PDE1C: variants seen among roughly 807,000 people sequenced by gnomAD.
The protein encoded by PDE1C is dual specificity calcium/calmodulin-dependent 3',5'-cyclic nucleotide phosphodiesterase 1C.
Under a neutral mutation model 93.1 loss-of-function variants are expected in PDE1C, and 62 were observed. The observed-to-expected ratio is 0.67, with a 90% CI of 0.54 to 0.82. The LOEUF (loss-of-function observed/expected upper bound fraction) is 0.82, where lower values mean the gene tolerates loss of function less well. Among genes scored for constraint, PDE1C ranks in the 40% least tolerant of loss-of-function variants. The probability of loss-of-function intolerance (pLI) is 0.00; values close to 1 mark genes in which losing one functional copy is unlikely to be tolerated. For missense variants in PDE1C, 742 were observed against 884.6 expected (o/e 0.84, Z 2.04); for synonymous variants, 325 against 310.1 (o/e 1.05, Z -0.50).
the PDE1C span, among the ~76,000 whole-genome samples, chr7:31,725,065 C>A: frequency 6.6e-6 from 1 of 152,168 alleles, no homozygotes; most frequent in African/African-American, 2.4e-5. Flanking sequence ...TTGGACCTAG[C>A]ACAGACTTGT....
intron 17 of PDE1C, among the ~76,000 whole-genome samples, chr7:31,766,160 A>C (rs1055024408): frequency 1.3e-4 from 20 of 152,136 alleles, no homozygotes; most frequent in African/African-American, 4.8e-4. Flanking sequence ...TGAGGCAGGC[A>C]GATCACGAGG....
the PDE1C span, among the ~76,000 whole-genome samples, chr7:31,649,285 T>C: frequency 1.3e-5 from 2 of 152,064 alleles, no homozygotes; most frequent in Non-Finnish European, 2.9e-5. Context: ...GCCATGTAGT[T>C]TAGAGAGGAA....
At chr7:32,395,124 C>T (rs572381338) in intron 1 of PDE1C, among the ~76,000 whole-genome samples, 1 of 152,312 alleles carries the variant, frequency 6.6e-6, no homozygotes, top group African/African-American at 2.4e-5. Flanking sequence ...GGCCTATAAT[C>T]ATTCATTTAT....
At chr7:31,907,410 G>A (rs1017273923) in intron 2 of PDE1C, among the ~76,000 whole-genome samples, 1 of 152,000 alleles carries the variant, frequency 6.6e-6, no homozygotes. Context: ...ATGAGAAGCA[G>A]GTGTCTGAGT....
At chr7:31,864,596 T>C (rs1484170680) in intron 7 of PDE1C, among the ~76,000 whole-genome samples, 2 of 152,240 alleles carry the variant, frequency 1.3e-5, no homozygotes, top group African/African-American at 4.8e-5. Flanking sequence ...AATTTCAGTA[T>C]ACATGAATAT....
Position 32,420,124 on chromosome 7 carries a change from T to TATATATATAC in PDE1C, c.310+7697_310+7698insGTATATATAT, listed in dbSNP as rs1207972839. On this transcript the variant is annotated intron_variant, in intron 1 of 1. Transcript: ENST00000672256. The stretch of plus-strand genomic sequence containing the variant: ...ATATATATATATATATATATATATA[T>TATATATATAC]ACACACACACACACACACACACACA... Among the ~76,000 whole-genome samples the TATATATATAC allele has an allele frequency of 5.0e-3, 65 of 13,090 alleles. 7 individuals are homozygous for TATATATATAC. Among genetic ancestry groups the TATATATATAC allele is most frequent in the African/African-American group, 0.015 (60 of 4,100 alleles). 8.6% of individuals were successfully genotyped at this position (13,090 alleles called of 152,430 possible).
intron 1 of PDE1C, among the ~76,000 whole-genome samples, chr7:32,359,910 G>A (rs1451516687): frequency 6.6e-6 from 1 of 152,112 alleles, no homozygotes; most frequent in Admixed American, 6.5e-5. Context: ...CATCCAGGAA[G>A]TCTCCAATGC....
At chr7:31,995,306 T>C (rs547886970) in intron 2 of PDE1C, among the ~76,000 whole-genome samples, 2 of 152,270 alleles carry the variant, frequency 1.3e-5, no homozygotes, top group South Asian at 4.1e-4. Context: ...GTCTATTTTG[T>C]GAACTGCTTG....
At position 32,042,904 on chromosome 7, in the gene PDE1C, C is replaced by T. The variant is rs148884945; in HGVS notation, c.128+8650G>A. Among the ~76,000 whole-genome samples, 686 of 152,314 alleles carry T rather than the reference C, an allele frequency of 4.5e-3. 4 individuals carry two copies. The highest frequency in any genetic ancestry group is 0.013 in the African/African-American group (532 of 41,566). ...CTGTTTTTGAGCCAAAGACCACATT[C>T]GTTCTCAGATTGAATCTCATCTCTT... On this transcript the variant is annotated intron_variant, in intron 2 of 17. Coordinates refer to ENST00000396191, the MANE Select transcript of PDE1C (RefSeq NM_001191057.4).
At chr7:31,920,537 G>A (rs779394775) in intron 2 of PDE1C, among the ~76,000 whole-genome samples, 18 of 151,616 alleles carry the variant, frequency 1.2e-4, no homozygotes, top group Non-Finnish European at 2.1e-4. Context: ...TCAGGGTATA[G>A]CCACCTTGTT....
In PDE1C at chr7:31,848,024, A is replaced by T. The variant is rs756665965; in HGVS notation, c.924T>A (p.Leu308=). ...ENHHLSAAYR[L]LQDDEEMNIL... ...TATTCATTTCCTCGTCATCTTGCAG[A>T]AGGCGATAAGCTGCACTTAAATGGT... Residue 308 remains leucine, a synonymous_variant, in exon 9 of 18, where the codon CTT becomes CTA. Transcript: ENST00000396191. 6.2e-7 allele frequency: 1 copy of T among 1,613,160 alleles called. No homozygotes were observed. Among genetic ancestry groups the T allele is most frequent in the South Asian group, 1.1e-5 (1 of 91,074 alleles).
intron 3 of PDE1C, chr7:32,077,820 C>A: frequency 1.0e-6 from 1 of 965,802 alleles, no homozygotes. Flanking sequence ...CCACCTGCCT[C>A]GGCCTCCCAA....
intron 1 of PDE1C, among the ~76,000 whole-genome samples, chr7:32,312,283 A>G (rs1242793534): frequency 6.6e-6 from 1 of 152,102 alleles, no homozygotes; most frequent in African/African-American, 2.4e-5. Flanking sequence ...AGAACATTCC[A>G]TGCTCATGGG....
chr7:31,741,990 A>C, the PDE1C span, among the ~76,000 whole-genome samples: 1 of 152,206 alleles, frequency 6.6e-6, no homozygotes, highest in African/African-American at 2.4e-5. Context: ...ACTGGATGAG[A>C]GCTCCGGAGA....
chr7:32,323,548 TC>T, intron 1 of PDE1C, among the ~76,000 whole-genome samples: 1 of 151,964 alleles, frequency 6.6e-6, no homozygotes, highest in East Asian at 1.9e-4. Flanking sequence ...GTGCTCAATC[TC>T]CAGAAGGCTG....
intron 2 of PDE1C, among the ~76,000 whole-genome samples, chr7:32,206,431 G>A (rs1805537157): frequency 6.6e-6 from 1 of 152,102 alleles, no homozygotes; most frequent in African/African-American, 2.4e-5. Context: ...GTCTAGAGAG[G>A]AGGGTTTTTA....
At chr7:32,208,351 A>AG (rs1023169394) in intron 2 of PDE1C, among the ~76,000 whole-genome samples, 2 of 152,182 alleles carry the variant, frequency 1.3e-5, no homozygotes. Flanking sequence ...TGCAGTGACT[A>AG]GGGATTTATA....
chr7:32,305,984 G>A (rs1484096011), intron 1 of PDE1C, among the ~76,000 whole-genome samples: 3 of 152,160 alleles, frequency 2.0e-5, no homozygotes, highest in Non-Finnish European at 4.4e-5. Flanking sequence ...GAACCTGGTG[G>A]GAGATAATTG....
At chr7:31,700,352 TC>T in the PDE1C span, among the ~76,000 whole-genome samples, 377 of 152,224 alleles carry the variant, frequency 2.5e-3, no homozygotes, top group African/African-American at 8.9e-3. Flanking sequence ...CAAAGCCTAA[TC>T]CAGAACAAGG....
Sources: allele counts gnomAD v4.1 joint callset (sites outside exome capture counted in the v4.1 genomes callset), GRCh38; gene constraint gnomAD v4.1.1; transcripts MANE v1.5; gene names NCBI Gene and HGNC (gene_info 2026-07-23, HGNC 2026-07-21).